The following STK10 variants were observed in gnomAD, a reference collection of about 807,000 sequenced individuals.
STK10 encodes serine/threonine kinase 10, also known as serine/threonine-protein kinase 10.
STK10 carries 78 observed loss-of-function variants against 113.8 expected under a neutral mutation model. The ratio of observed to expected loss-of-function variants is 0.69; its 90% CI spans 0.57 to 0.83. The LOEUF is 0.83. STK10 is among the 40% of genes least tolerant of loss of function. STK10 has a pLI of 0.00. For missense variants in STK10, 1,109 were observed against 1,280.1 expected, an observed-to-expected ratio of 0.87 and a Z score of 2.04; for synonymous variants, 465 against 494.7, an observed-to-expected ratio of 0.94 and a Z score of 0.80.
chr5:172,105,002 G>A (rs1561809238), intron 7 of STK10, among the ~76,000 whole-genome samples: 1 of 152,088 alleles, frequency 6.6e-6, no homozygotes, highest in African/African-American at 2.4e-5. Flanking sequence ...CTCCTCCTTG[G>A]GCTGAGTTCT....
At chr5:172,049,710 T>C (rs534225785) in intron 18 of STK10, among the ~76,000 whole-genome samples, 2 of 152,322 alleles carry the variant, frequency 1.3e-5, no homozygotes, top group Admixed American at 6.5e-5. Context: ...AAAGCAATGA[T>C]GGGTAAAACT....
intron 1 of STK10, among the ~76,000 whole-genome samples, chr5:172,171,296 G>C (rs1194479588): frequency 6.6e-6 from 1 of 152,128 alleles, no homozygotes; most frequent in Non-Finnish European, 1.5e-5. Context: ...GTGTGCCCCT[G>C]AGGGGACTTC....
At chr5:172,149,522 CTGTGTGTG>C (rs367896863) in intron 2 of STK10, among the ~76,000 whole-genome samples, 1 of 136,454 alleles carries the variant, frequency 7.3e-6, no homozygotes, top group Non-Finnish European at 1.6e-5. Flanking sequence ...GTGTGTGTGT[CTGTGTGTG>C]TGTGTGTGTG....
At chr5:172,179,654 C>G (rs931011915) in intron 1 of STK10, among the ~76,000 whole-genome samples, 1 of 152,168 alleles carries the variant, frequency 6.6e-6, no homozygotes, top group African/African-American at 2.4e-5. Flanking sequence ...TTCAGACCCC[C>G]TTGGATGAGG....
At chr5:172,172,823 T>C (rs1378859811) in intron 1 of STK10, among the ~76,000 whole-genome samples, 1 of 151,764 alleles carries the variant, frequency 6.6e-6, no homozygotes, top group Non-Finnish European at 1.5e-5. Flanking sequence ...CTACTAAAAA[T>C]ACAAAAATTA....
intron 2 of STK10, among the ~76,000 whole-genome samples, chr5:172,137,635 C>G (rs1007859264): frequency 4.0e-5 from 6 of 150,936 alleles, no homozygotes; most frequent in Admixed American, 1.3e-4. Context: ...AATCTCAGCA[C>G]TTTGGGAGGC....
At chr5:172,057,276 T>A (rs1212577537) in intron 15 of STK10, 73 bp downstream of exon 15, 26 of 1,538,544 alleles carry the variant, frequency 1.7e-5, no homozygotes, top group Non-Finnish European at 2.3e-5. Flanking sequence ...AGGTGCCCCA[T>A]CACATACAGC....
intron 10 of STK10, among the ~76,000 whole-genome samples, chr5:172,087,626 T>TA (rs1461858138): frequency 0.012 from 1,162 of 99,322 alleles, 163 homozygotes; most frequent in African/African-American, 0.05. Context: ...CTTATTTATT[T>TA]TTTTTTTTTT....
chr5:172,064,544 C>T (rs1466250554), intron 13 of STK10, 176 bp downstream of exon 13: 7 of 640,504 alleles, frequency 1.1e-5, no homozygotes, highest in Admixed American at 5.4e-5. Context: ...GCAGGGCAAT[C>T]GAGGAAGGCT....
At chr5:172,124,196 T>G (rs1769573673) in intron 3 of STK10, among the ~76,000 whole-genome samples, 1 of 152,176 alleles carries the variant, frequency 6.6e-6, no homozygotes, top group Admixed American at 6.5e-5. Context: ...CCCAAAGGGC[T>G]GGGATTACAG....
intron 13 of STK10, chr5:172,064,465 G>T: frequency 1.8e-6 from 1 of 562,760 alleles, no homozygotes; most frequent in Non-Finnish European, 3.2e-6. Context: ...GAGGTGCTAA[G>T]GGTTTGGGAG....
chr5:172,106,596 G>T (rs965086165), intron 6 of STK10, 24 bp downstream of exon 6: 1 of 1,604,346 alleles, frequency 6.2e-7, no homozygotes, highest in Admixed American at 1.7e-5. Flanking sequence ...CACCCCGGCA[G>T]GTGGCCCTGC....
chr5:172,107,826 G>A lies in STK10; in HGVS notation c.547C>T (p.Leu183=), dbSNP rs754494686. 6.2e-7 allele frequency: 1 copy of A among 1,614,190 alleles called. No individual in the cohort carries two copies. The change falls in exon 5 of 19, where the codon CTG becomes TTG. Residue 183 remains leucine (L), a synonymous_variant. Transcript: ENST00000176763. ...LADFGVSAKN[L]KTLQKRDSFI... ...GAATCTCGTTTCTGTAGAGTCTTCA[G>A]ATTCTTGGCAGACACACCAAAGTCA...
rs566116873 is a variant in STK10 at position 172,093,014 on chromosome 5, C to T, written c.1554+398G>A. 8.6e-4 allele frequency: 152 copies of T among 175,948 alleles called. No homozygotes were observed. Among genetic ancestry groups the T allele is most frequent in the African/African-American group, 3.4e-3 (145 of 42,220 alleles). 10.9% of individuals were successfully genotyped at this position (175,948 alleles called of 1,614,324 possible). ...CTCTAGTGCGGTGGCTATCGTCATT[C>T]GCAACACTGCCCACCTCCAGAAAGG... is the stretch of plus-strand genomic sequence containing the variant. On this transcript the variant is annotated intron_variant, in intron 9 of 18. Transcript: ENST00000176763. This position sits in a 1 kb window ranked among gnomAD's most constrained non-coding sequence, Gnocchi z 4.1.
rs1356110027 is a variant in STK10, at chr5:172,093,438, T to C, written c.1528A>G (p.Lys510Glu). Residue 510 changes from lysine (K) to glutamate (E), a missense_variant, in exon 9 of 19, where the codon AAA becomes GAA. Coordinates refer to ENST00000176763, the MANE Select transcript of STK10 (RefSeq NM_005990.4). This position sits in a 1 kb window ranked among gnomAD's most constrained non-coding sequence, Gnocchi z 4.1. ...TTGATGGACAGAGAGCCCATCTCTT[T>C]GTTCAGCGACAGGTCAGTGGAGAGA... ...TNLSTDLSLNKEMGSLSIKDP... is the reference protein window; with the variant it reads ...TNLSTDLSLNEEMGSLSIKDP... 1.9e-6 allele frequency: 3 copies of C among 1,605,870 alleles called. No homozygotes were observed. Among genetic ancestry groups the C allele is most frequent in the Non-Finnish European group, 1.7e-6 (2 of 1,173,530 alleles).
intron 16 of STK10, among the ~76,000 whole-genome samples, 168 bp downstream of exon 16, chr5:172,055,420 G>A (rs1229133267): frequency 2.6e-5 from 4 of 152,070 alleles, no homozygotes; most frequent in Admixed American, 2.6e-4. Flanking sequence ...AAACTCCTGG[G>A]CTCAAGTGAC....
At chr5:172,047,854 A>G (rs78492889) in intron 18 of STK10, among the ~76,000 whole-genome samples, 33 of 150,606 alleles carry the variant, frequency 2.2e-4, no homozygotes, top group Non-Finnish European at 3.2e-4. Context: ...CAGTATTGAT[A>G]GCTTCACTGT....
At chr5:172,124,245 T>TA (rs560506114) in intron 3 of STK10, among the ~76,000 whole-genome samples, 7 of 152,260 alleles carry the variant, frequency 4.6e-5, no homozygotes, top group South Asian at 4.1e-4. Flanking sequence ...CATAACTCTT[T>TA]AAAACTCCTG....
At position 172,093,744 on chromosome 5, in the gene STK10, C is replaced by T; in HGVS notation, c.1222G>A (p.Val408Met). ...PGNENGLAVP[V>M]PLRKSRPVSM... ...ACGGGTCGGGACTTCCGCAGGGGCACAGGCACTGCCAGGCCGTTCTCATTT... is the reference window on the plus strand; with the variant it reads ...ACGGGTCGGGACTTCCGCAGGGGCATAGGCACTGCCAGGCCGTTCTCATTT... Residue 408 changes from valine to methionine, a missense_variant, in exon 9 of 19, where the codon GTG (valine) becomes ATG (methionine). Around this residue, in one of 5 missense-constraint regions of STK10, gnomAD observed 885 missense variants for 991.1 expected, o/e 0.89. Coordinates refer to ENST00000176763, the MANE Select transcript of STK10 (RefSeq NM_005990.4). This position sits in a 1 kb window ranked among gnomAD's most constrained non-coding sequence, Gnocchi z 4.1. 1 of 1,611,648 alleles carries T rather than the reference C, an allele frequency of 6.2e-7. No homozygotes were observed. Among genetic ancestry groups the T allele is most frequent in the Non-Finnish European group, 8.5e-7 (1 of 1,177,886 alleles).
Sources: gnomAD v4.1 joint callset for allele counts (sites outside exome capture counted in the v4.1 genomes callset) on GRCh38, gnomAD v4.1.1 for gene constraint, gnomAD v4.1.1 regional missense constraint, Gnocchi (gnomAD v3.1) non-coding constraint, MANE v1.5 for transcripts, NCBI Gene and HGNC (gene_info 2026-07-23, HGNC 2026-07-21) for gene names.